IWS1: variants seen among roughly 807,000 people sequenced by gnomAD.
IWS1 encodes protein IWS1 homolog.
A neutral mutation model predicts 86.7 loss-of-function variants in IWS1; 27 were observed. That is an observed-to-expected ratio of 0.31 (90% CI 0.23 to 0.43). The LOEUF (loss-of-function observed/expected upper bound fraction) is 0.43. IWS1 is among the 20% of genes least tolerant of loss of function. The pLI, the probability that IWS1 is intolerant of heterozygous loss-of-function variation, is 1.00. For missense variants in IWS1, 827 were observed against 1,000.8 expected, an observed-to-expected ratio of 0.83 and a Z score of 2.34; for synonymous variants, 313 against 335.1, an observed-to-expected ratio of 0.93 and a Z score of 0.72.
At chr2:127,498,033 A>T in intron 6 of IWS1, 107 bp downstream of exon 6, 1 of 777,370 alleles carries the variant, frequency 1.3e-6, no homozygotes, top group Non-Finnish European at 2.1e-6. Flanking sequence ...GAATAGACCC[A>T]CTCCTAAACT....
At chr2:127,508,069 G>A (rs1262126341) in intron 2 of IWS1, among the ~76,000 whole-genome samples, 1 of 152,110 alleles carries the variant, frequency 6.6e-6, no homozygotes, top group Admixed American at 6.6e-5. Context: ...TTTGGATAAG[G>A]GATACTCAAC....
At chr2:127,496,624 T>A (rs1000429195) in intron 6 of IWS1, among the ~76,000 whole-genome samples, 1 of 151,872 alleles carries the variant, frequency 6.6e-6, no homozygotes, top group African/African-American at 2.4e-5. Context: ...TCACCCAGGC[T>A]GGAGTGCGGT....
intron 1 of IWS1, among the ~76,000 whole-genome samples, chr2:127,525,120 G>T (rs905189275): frequency 6.7e-6 from 1 of 148,292 alleles, no homozygotes; most frequent in Non-Finnish European, 1.5e-5. Flanking sequence ...GTAGGGGGGT[G>T]GGGTACGGGC....
chr2:127,516,052 C>T (rs1691754678), intron 2 of IWS1, among the ~76,000 whole-genome samples: 1 of 152,098 alleles, frequency 6.6e-6, no homozygotes, highest in African/African-American at 2.4e-5. Flanking sequence ...ACCCTTGGGC[C>T]GGCTTGTGAG....
intron 13 of IWS1, among the ~76,000 whole-genome samples, 170 bp from the exon 14 acceptor site, chr2:127,481,345 A>T (rs1689612102): frequency 6.6e-6 from 1 of 152,134 alleles, no homozygotes; most frequent in Non-Finnish European, 1.5e-5. Flanking sequence ...ATGGTGTTAG[A>T]AACGCATATT....
intron 9 of IWS1, 39 bp downstream of exon 9, chr2:127,493,242 G>A: frequency 3.2e-6 from 5 of 1,579,688 alleles, no homozygotes; most frequent in Non-Finnish European, 4.3e-6. Flanking sequence ...GACCACATTA[G>A]ATAATTAATA....
At position 127,505,527 on chromosome 2, in the gene IWS1, T is replaced by C. The variant is rs1558758621; in HGVS notation, c.376A>G (p.Arg126Gly). Residue 126 changes from arginine (R) to glycine (G), a missense_variant, in exon 3 of 14, where the codon AGG becomes GGG. Physicochemically the swap from Arg to Gly is moderately radical, Grantham distance 125. Around this residue, in one of 2 missense-constraint regions of IWS1, gnomAD observed 548 missense variants for 560.2 expected, o/e 0.98. Coordinates refer to ENST00000295321, the MANE Select transcript of IWS1 (RefSeq NM_017969.3). This position sits in a 1 kb window ranked among gnomAD's most constrained non-coding sequence, Gnocchi z 5.0. Reference protein sequence around the residue: ...HGSDSESEETRKLPGSDSENE... With the variant: ...HGSDSESEETGKLPGSDSENE... ...TCAGAGTCACTACCAGGTAATTTCCTGGTCTCTTCACTCTCAGAGTCGCTC... is the reference window on the plus strand; with the variant it reads ...TCAGAGTCACTACCAGGTAATTTCCCGGTCTCTTCACTCTCAGAGTCGCTC... 6.2e-7 allele frequency: 1 copy of C among 1,614,052 alleles called. No homozygotes were observed.
chr2:127,503,694 A>C (rs1690936997), intron 3 of IWS1, 118 bp from the exon 4 acceptor site: 1 of 357,350 alleles, frequency 2.8e-6, no homozygotes, highest in Admixed American at 4.9e-5. Flanking sequence ...ATAAATAAAT[A>C]AATAAATAAA....
rs192734707 is a variant in IWS1 at position 127,484,181 on chromosome 2, C to T, written c.2328+2372G>A. On this transcript the variant is annotated intron_variant, in intron 13 of 13. Transcript: ENST00000295321. ...AAAGTTAGCCAGGTGTGGTGGTGGGCGCCTGCCCTAGTCCCAGCTACTCAG... is the reference window on the plus strand; with the variant it reads ...AAAGTTAGCCAGGTGTGGTGGTGGGTGCCTGCCCTAGTCCCAGCTACTCAG... Among the ~76,000 whole-genome samples, 4 of 152,042 alleles carry T rather than the reference C, an allele frequency of 2.6e-5. No homozygotes were observed. The East Asian group carries it at 7.7e-4, about 29-fold the overall frequency.
Position 127,498,195 on chromosome 2 carries a change from G to T in IWS1, c.1510C>A (p.Gln504Lys). 1 of 1,585,100 alleles carries T rather than the reference G, an allele frequency of 6.3e-7. No individual in the cohort carries two copies. Among genetic ancestry groups the T allele is most frequent in the East Asian group, 2.2e-5 (1 of 44,578 alleles). The change falls in exon 6 of 14, where the codon CAG (glutamine) becomes AAG (lysine). Residue 504 changes from glutamine (Q) to lysine (K), a missense_variant. Gln to Lys is a moderately conservative substitution (Grantham distance 53). This residue lies in a region of IWS1 where 279 missense variants were observed against 440.6 expected (regional missense o/e 0.63). Coordinates refer to ENST00000295321, the MANE Select transcript of IWS1 (RefSeq NM_017969.3). ...TCTGAATCTTCTGCTTCTTTTACCT[G>T]TGTTTCACCTTTTTCTTCTTCCAGA... ...EDLEEEKGET[Q>K]VKEAEDSDSD...
At chr2:127,512,754 T>C (rs1312798146) in intron 2 of IWS1, among the ~76,000 whole-genome samples, 3 of 152,230 alleles carry the variant, frequency 2.0e-5, no homozygotes, top group Non-Finnish European at 2.9e-5. Flanking sequence ...TGACGCACTA[T>C]ATAGTAGTCA....
intron 2 of IWS1, among the ~76,000 whole-genome samples, chr2:127,507,554 T>C (rs1426345866): frequency 3.3e-5 from 5 of 152,204 alleles, no homozygotes; most frequent in Non-Finnish European, 4.4e-5. Flanking sequence ...TATTAGGACT[T>C]GAGAGATATC....
Position 127,489,698 on chromosome 2 carries a change from T to C in IWS1, c.2159+134A>G, listed in dbSNP as rs1047158463. ...TCACATTTAAACTAAAAGGATATTA[T>C]GAATTATGTACACATATCAAGCTGA... On this transcript the variant is annotated intron_variant, in intron 11 of 13. Transcript: ENST00000295321. This position sits in a 1 kb window ranked among gnomAD's most constrained non-coding sequence, Gnocchi z 4.8. 2.1e-5 allele frequency: 14 copies of C among 678,076 alleles called. No homozygotes were observed. Among genetic ancestry groups the C allele is most frequent in the Non-Finnish European group, 3.5e-5 (13 of 375,356 alleles). The allele number at this position is 678,076 out of a possible 1,614,324, so 42.0% of individuals were successfully genotyped here. A position where few individuals can be genotyped will look rare whatever the true frequency, so the allele number is the denominator to read the frequency against.
At chr2:127,495,005 A>G (rs1690441249) in intron 7 of IWS1, 51 bp from the exon 8 acceptor site, 1 of 1,097,394 alleles carries the variant, frequency 9.1e-7, no homozygotes, top group East Asian at 2.5e-5. Flanking sequence ...CTTTTTATTA[A>G]TATTGAATTC....
At chr2:127,508,057 A>AT (rs1475542995) in intron 2 of IWS1, among the ~76,000 whole-genome samples, 1 of 152,242 alleles carries the variant, frequency 6.6e-6, no homozygotes, top group Non-Finnish European at 1.5e-5. Flanking sequence ...GATTTGAAGC[A>AT]TTTTGGATAA....
rs527663816 is a variant in IWS1 at position 127,520,529 on chromosome 2, T to A, written c.150+3147A>T. ...ACATCCCATTACTTCTAAAAAAAAA[T>A]GTTTAATGAGAAAACAAAATGTCTT... On this transcript the variant is annotated intron_variant, in intron 2 of 13. Transcript: ENST00000295321. Among the ~76,000 whole-genome samples, 305 of 152,276 alleles carry A rather than the reference T, an allele frequency of 2.0e-3. 1 individual carries two copies. Among genetic ancestry groups the A allele is most frequent in the African/African-American group, 7.0e-3 (292 of 41,552 alleles).
chr2:127,505,509 C>T lies in IWS1; in HGVS notation c.394G>A (p.Asp132Asn). 4 of 1,614,120 alleles carry T rather than the reference C, an allele frequency of 2.5e-6. No homozygotes were observed. Among genetic ancestry groups the T allele is most frequent in the Non-Finnish European group, 3.4e-6 (4 of 1,180,008 alleles). The part of the protein sequence containing the change: ...SEETRKLPGS[D>N]SENEELLNGH... ...TTAAGAAGTTCCTCATTTTCAGAGT[C>T]ACTACCAGGTAATTTCCTGGTCTCT... Residue 132 changes from aspartate to asparagine, a missense_variant, in exon 3 of 14, where the codon GAC (aspartate) becomes AAC (asparagine). Asp to Asn is a conservative substitution (Grantham distance 23). Transcript: ENST00000295321. This position sits in a 1 kb window ranked among gnomAD's most constrained non-coding sequence, Gnocchi z 5.0.
At chr2:127,517,414 T>C (rs1691834920) in intron 2 of IWS1, among the ~76,000 whole-genome samples, 1 of 152,230 alleles carries the variant, frequency 6.6e-6, no homozygotes, top group Non-Finnish European at 1.5e-5. Context: ...AGTAAGTTTT[T>C]AAAGTCCAGA....
chr2:127,490,504 G>A (rs1690168905), intron 10 of IWS1, among the ~76,000 whole-genome samples: 1 of 152,142 alleles, frequency 6.6e-6, no homozygotes, highest in African/African-American at 2.4e-5. Flanking sequence ...CAAAGTCCAG[G>A]AGCCAACTGA....
Sources: allele counts gnomAD v4.1 joint callset (sites outside exome capture counted in the v4.1 genomes callset), GRCh38; gene constraint gnomAD v4.1.1; regional missense constraint gnomAD v4.1.1; non-coding constraint Gnocchi (gnomAD v3.1); transcripts MANE v1.5; gene names NCBI Gene and HGNC (gene_info 2026-07-23, HGNC 2026-07-21).